Variants in FASN observed in about 807,000 individuals in gnomAD.
FASN encodes the protein fatty acid synthase.
Under a neutral mutation model 250.0 loss-of-function variants are expected in FASN, and 50 were observed. That is an observed-to-expected ratio of 0.20 (90% CI 0.16 to 0.25). FASN has a LOEUF of 0.25. Among genes scored for constraint, FASN ranks in the 10% least tolerant of loss-of-function variants. The probability of loss-of-function intolerance (pLI) is 1.00; values close to 1 mark genes in which losing one functional copy is unlikely to be tolerated. For missense variants in FASN, 3,031 were observed against 3,498.5 expected (o/e 0.87, Z 3.37); for synonymous variants, 1,909 against 1,584.0 (o/e 1.21, Z -4.87).
chr17:82,083,728 G>A lies in FASN; in HGVS notation c.5218+44C>T, dbSNP rs369451820. The A allele has an allele frequency of 4.0e-5, 65 of 1,609,696 alleles. 1 individual carries two copies. Among genetic ancestry groups the A allele is most frequent in the South Asian group, 2.0e-4 (18 of 90,392 alleles). On this transcript the variant is annotated intron_variant, in intron 30 of 42. Coordinates refer to ENST00000306749, the MANE Select transcript of FASN (RefSeq NM_004104.5). ...GCCAGACCCTGCTTCTCCCTGGGCC[G>A]GAGGCTAGGCAGGAGGCAGGTGGGG...
At chr17:82,089,492 A>G in intron 12 of FASN, 108 bp from the exon 13 acceptor site, 1 of 1,592,356 alleles carries the variant, frequency 6.3e-7, no homozygotes, top group Non-Finnish European at 8.6e-7. Context: ...GGGAATGGGC[A>G]AGGGACCTGA....
intron 35 of FASN, 53 bp downstream of exon 35, chr17:82,082,270 G>T (rs939467785): frequency 6.2e-7 from 1 of 1,607,338 alleles, no homozygotes; most frequent in Non-Finnish European, 8.5e-7. Flanking sequence ...TGGCTCCCAC[G>T]GCCCTGAGCC....
chr17:82,083,494 C>T (rs758928863), intron 31 of FASN, 23 bp downstream of exon 31: 43 of 1,612,646 alleles, frequency 2.7e-5, no homozygotes, highest in African/African-American at 1.7e-4. Context: ...TGCCCACCCC[C>T]GCCCAGGCGC....
At chr17:82,087,578 C>T in intron 19 of FASN, 74 bp from the exon 20 acceptor site, 1 of 1,601,388 alleles carries the variant, frequency 6.2e-7, no homozygotes, top group South Asian at 1.1e-5. Flanking sequence ...CACCGGGCCC[C>T]TCTGCTCCCT....
At chr17:82,092,044 C>A (rs2144804940) in intron 8 of FASN, among the ~76,000 whole-genome samples, 1 of 152,340 alleles carries the variant, frequency 6.6e-6, no homozygotes, top group South Asian at 2.1e-4. Flanking sequence ...GGTGTTGGGG[C>A]TCCTGTGCCT....
intron 3 of FASN, chr17:82,094,251 A>G (rs1342690732): frequency 1.2e-5 from 3 of 256,400 alleles, no homozygotes; most frequent in African/African-American, 4.5e-5. Context: ...AGGCTCGGGA[A>G]GGAGAGAGGG....
chr17:82,095,724 G>A (rs1329264919), intron 2 of FASN, among the ~76,000 whole-genome samples: 1 of 152,232 alleles, frequency 6.6e-6, no homozygotes, highest in South Asian at 2.1e-4. Flanking sequence ...GCAGAGCAGA[G>A]AGCTCGGCGG....
chr17:82,087,454 T>C lies in FASN; in HGVS notation c.3094A>G (p.Thr1032Ala). The change falls in exon 20 of 43, where the codon ACC becomes GCC. Residue 1032 changes from threonine to alanine, a missense_variant. Transcript: ENST00000306749. ...WKDNWVSFMD[T>A]MLQMSILGSA... ...CCCAGGATGGACATCTGCAGCATGG[T>C]GTCCATGAAGCTCACCCAGTTATCC... 1.2e-6 allele frequency: 2 copies of C among 1,612,594 alleles called. No homozygotes were observed. Among genetic ancestry groups the C allele is most frequent in the Non-Finnish European group, 1.7e-6 (2 of 1,179,986 alleles).
chr17:82,086,492 T>A lies in FASN; in HGVS notation c.3494A>T (p.Asp1165Val), dbSNP rs1286971520. 5 of 1,612,408 alleles carry A rather than the reference T, an allele frequency of 3.1e-6. No individual in the cohort carries two copies. In the South Asian group the frequency reaches 4.4e-5, roughly 14 times the overall value. ...GGGGTCCCGGGGGATCTGGGCCCCA[T>A]CCAGTCCGGGCACCACCATCTTCAG... ...QGLKMVVPGL[D>V]GAQIPRDPSQ... Residue 1165 changes from aspartate (D) to valine (V), a missense_variant, in exon 22 of 43, where the codon GAT becomes GTT. Physicochemically the swap from Asp to Val is radical, Grantham distance 152. Coordinates refer to ENST00000306749, the MANE Select transcript of FASN (RefSeq NM_004104.5).
intron 15 of FASN, 84 bp downstream of exon 15, chr17:82,088,677 C>A: frequency 6.6e-7 from 1 of 1,507,904 alleles, no homozygotes; most frequent in Non-Finnish European, 9.1e-7. Context: ...CGGCCTGGGT[C>A]AGTGAGGGGC....
intron 11 of FASN, 21 bp from the exon 12 acceptor site, chr17:82,089,747 G>A (rs1280585279): frequency 1.3e-6 from 2 of 1,569,066 alleles, no homozygotes; most frequent in African/African-American, 2.7e-5. Context: ...GCCAGCCTCA[G>A]AGGCTTAGCG....
Position 82,091,232 on chromosome 17 carries a change from G to C in FASN, c.1482C>G (p.Phe494Leu). 1 of 1,600,696 alleles carries C rather than the reference G, an allele frequency of 6.2e-7. No homozygotes were observed. Among genetic ancestry groups the C allele is most frequent in the Middle Eastern group, 1.7e-4 (1 of 6,020 alleles). ...AGAGTGTGGGCTCACCAGAGCAGAT[G>C]AACCAGAGCGGGCGCTCGCCAGCGG... ...QVPAGERPLW[F>L]ICSGMGTQWR... The change falls in exon 9 of 43, where the codon TTC (phenylalanine) becomes TTG (leucine). Residue 494 changes from phenylalanine to leucine, a missense_variant. Transcript: ENST00000306749.
Position 82,088,017 on chromosome 17 carries a change from C to A in FASN, c.2803G>T (p.Val935Leu). The stretch of plus-strand genomic sequence containing the variant: ...GCACGGGAGGCCTCCAGGAGCCGTA[C>A]CTCCAGGGACACTGTCCCTGCAGAG... ...LPKTGTVSLEVRLLEASRAFE... is the reference protein window; with the variant it reads ...LPKTGTVSLELRLLEASRAFE... Residue 935 changes from valine to leucine, a missense_variant, in exon 18 of 43, where the codon GTA (valine) becomes TTA (leucine). Val to Leu is a conservative substitution (Grantham distance 32). Coordinates refer to ENST00000306749, the MANE Select transcript of FASN (RefSeq NM_004104.5). 2 of 1,612,794 alleles carry A rather than the reference C, an allele frequency of 1.2e-6. No individual in the cohort carries two copies. Among genetic ancestry groups the A allele is most frequent in the Non-Finnish European group, 1.7e-6 (2 of 1,179,972 alleles).
chr17:82,089,581 G>A (rs1260744142), intron 12 of FASN, 51 bp downstream of exon 12: 1 of 1,550,556 alleles, frequency 6.4e-7, no homozygotes, highest in African/African-American at 1.4e-5. Flanking sequence ...TGCCAGACTT[G>A]CAATGGCAGG....
chr17:82,079,959 T>G, intron 41 of FASN, 181 bp downstream of exon 41: 1 of 725,850 alleles, frequency 1.4e-6, no homozygotes, highest in Non-Finnish European at 2.3e-6. Flanking sequence ...CTGCCCGCCT[T>G]AGCCTCCCAA....
rs1284382784 is a variant in FASN, at chr17:82,080,913, C to A, written c.6605G>T (p.Cys2202Phe). Residue 2202 changes from cysteine (C) to phenylalanine (F), a missense_variant, in exon 39 of 43, where the codon TGC becomes TTC. Cys to Phe is a radical substitution (Grantham distance 205). Coordinates refer to ENST00000306749, the MANE Select transcript of FASN (RefSeq NM_004104.5). ...CAGACCATCCTCCTTGGGCGTGGGG[C>A]ATGCCAGCTCTGTGAAGACAGGGGC... Reference protein sequence around the residue: ...SKADEASELACPTPKEDGLAQ... With the variant: ...SKADEASELAFPTPKEDGLAQ... The A allele has an allele frequency of 6.2e-7, 1 of 1,607,490 alleles. No homozygotes were observed. The highest frequency in any genetic ancestry group is 8.5e-7 in the Non-Finnish European group (1 of 1,177,902).
chr17:82,087,792 G>C lies in FASN; in HGVS notation c.2936C>G (p.Pro979Arg). 2 of 1,612,650 alleles carry C rather than the reference G, an allele frequency of 1.2e-6. No homozygotes were observed. The highest frequency in any genetic ancestry group is 1.7e-6 in the Non-Finnish European group (2 of 1,179,954). ...FDHPESPTPN[P>R]TEPLFLAQAE... ...CTGGGCCAGGAAGAGGGGCTCCGTG[G>C]GGTTGGGGGTGGGGCTTTCCGGGTG... The change falls in exon 19 of 43, where the codon CCC becomes CGC. Residue 979 changes from proline (P) to arginine (R), a missense_variant. Physicochemically the swap from Pro to Arg is moderately radical, Grantham distance 103. Coordinates refer to ENST00000306749, the MANE Select transcript of FASN (RefSeq NM_004104.5).
chr17:82,095,276 G>A (rs747787418), intron 3 of FASN, 44 bp downstream of exon 3: 3 of 1,603,826 alleles, frequency 1.9e-6, no homozygotes, highest in Admixed American at 3.3e-5. Flanking sequence ...TTCCACGTGA[G>A]CAGCAGGAGC....
chr17:82,088,014 G>C lies in FASN; in HGVS notation c.2806C>G (p.Arg936Gly). The C allele has an allele frequency of 7.4e-6, 12 of 1,612,752 alleles. No individual in the cohort carries two copies. The highest frequency in any genetic ancestry group is 1.0e-5 in the Non-Finnish European group (12 of 1,179,962). The stretch of plus-strand genomic sequence containing the variant: ...AAGGCACGGGAGGCCTCCAGGAGCC[G>C]TACCTCCAGGGACACTGTCCCTGCA... ...PKTGTVSLEVRLLEASRAFEV... is the reference protein window; with the variant it reads ...PKTGTVSLEVGLLEASRAFEV... The change falls in exon 18 of 43, where the codon CGG (arginine) becomes GGG (glycine). Residue 936 changes from arginine (R) to glycine (G), a missense_variant. Physicochemically the swap from Arg to Gly is moderately radical, Grantham distance 125. Transcript: ENST00000306749.
Sources: allele counts gnomAD v4.1 joint callset (sites outside exome capture counted in the v4.1 genomes callset), GRCh38; gene constraint gnomAD v4.1.1; transcripts MANE v1.5; gene names NCBI Gene and HGNC (gene_info 2026-07-23, HGNC 2026-07-21).